Variants in FAM227B observed in about 807,000 individuals in gnomAD.
FAM227B encodes the protein protein FAM227B.
Under a neutral mutation model 73.8 loss-of-function variants are expected in FAM227B, and 88 were observed. The observed-to-expected ratio is 1.19, with a 90% CI of 1.00 to 1.42. The LOEUF (loss-of-function observed/expected upper bound fraction) is 1.42, where lower values mean the gene tolerates loss of function less well. FAM227B is among the 40% of genes most tolerant of loss of function. The probability of loss-of-function intolerance (pLI) is 0.00; values close to 1 mark genes in which losing one functional copy is unlikely to be tolerated. For synonymous variants in FAM227B, 210 were observed against 190.5 expected (o/e 1.10, Z -0.84); for missense variants, 632 against 590.9 (o/e 1.07, Z -0.72).
At chr15:49,400,952 A>G (rs1567214896) in intron 11 of FAM227B, among the ~76,000 whole-genome samples, 2 of 151,250 alleles carry the variant, frequency 1.3e-5, no homozygotes, top group Non-Finnish European at 2.9e-5. Flanking sequence ...CAAGGACTTC[A>G]TGTCTAAACA....
At chr15:49,469,991 A>G (rs1240826211) in intron 11 of FAM227B, among the ~76,000 whole-genome samples, 1 of 152,182 alleles carries the variant, frequency 6.6e-6, no homozygotes, top group Non-Finnish European at 1.5e-5. Context: ...TCATTAGAGG[A>G]TGGCATTAAA....
At chr15:49,518,809 C>T (rs1444621789) in intron 10 of FAM227B, among the ~76,000 whole-genome samples, 1 of 152,144 alleles carries the variant, frequency 6.6e-6, no homozygotes, top group Non-Finnish European at 1.5e-5. Context: ...CTGGCCCCTC[C>T]CAAAACTCAT....
chr15:49,459,400 T>C (rs975174834), intron 11 of FAM227B, among the ~76,000 whole-genome samples: 2 of 152,224 alleles, frequency 1.3e-5, no homozygotes, highest in Admixed American at 6.5e-5. Flanking sequence ...ATGAATTTTC[T>C]GAACCTCCTA....
At chr15:49,374,013 T>A (rs963852822) in intron 11 of FAM227B, among the ~76,000 whole-genome samples, 3 of 152,210 alleles carry the variant, frequency 2.0e-5, no homozygotes, top group African/African-American at 7.2e-5. Context: ...AATATTTAAC[T>A]TGTTTTAAGT....
At chr15:49,505,869 C>T (rs1397387664) in intron 11 of FAM227B, among the ~76,000 whole-genome samples, 1 of 151,680 alleles carries the variant, frequency 6.6e-6, no homozygotes, top group Non-Finnish European at 1.5e-5. Flanking sequence ...AATAAAAAAA[C>T]AAGACTCAAC....
chr15:49,354,524 C>T (rs534553861), intron 13 of FAM227B, among the ~76,000 whole-genome samples: 1 of 152,342 alleles, frequency 6.6e-6, no homozygotes, highest in East Asian at 1.9e-4. Flanking sequence ...CACCTGAATA[C>T]TGCACTTTTC....
intron 11 of FAM227B, among the ~76,000 whole-genome samples, chr15:49,477,547 T>C (rs1368988726): frequency 1.3e-5 from 2 of 152,258 alleles, no homozygotes; most frequent in Non-Finnish European, 2.9e-5. Flanking sequence ...TATTCCAGTG[T>C]ATACGTGTAC....
chr15:49,375,452 C>T (rs1283821988), intron 11 of FAM227B, among the ~76,000 whole-genome samples: 1 of 151,982 alleles, frequency 6.6e-6, no homozygotes, highest in Admixed American at 6.6e-5. Context: ...CAAATCATTG[C>T]TCAGGCAAGT....
intron 3 of FAM227B, among the ~76,000 whole-genome samples, chr15:49,609,308 C>A (rs536043555): frequency 6.6e-6 from 1 of 151,340 alleles, no homozygotes; most frequent in East Asian, 1.9e-4. Flanking sequence ...AGAAGTACAA[C>A]AGGAGATAGG....
At chr15:49,334,663 A>G (rs947910334) in intron 14 of FAM227B, among the ~76,000 whole-genome samples, 1 of 152,140 alleles carries the variant, frequency 6.6e-6, no homozygotes. Context: ...GACCCTTGGA[A>G]AGCAGGGGCG....
At chr15:49,338,326 T>C (rs1425982322) in intron 13 of FAM227B, among the ~76,000 whole-genome samples, 4 of 152,246 alleles carry the variant, frequency 2.6e-5, no homozygotes, top group African/African-American at 7.2e-5. Context: ...GGCCTGGTGG[T>C]GACAAAATCT....
At chr15:49,414,074 C>G (rs531378021) in intron 11 of FAM227B, among the ~76,000 whole-genome samples, 2 of 152,074 alleles carry the variant, frequency 1.3e-5, no homozygotes, top group African/African-American at 2.4e-5. Flanking sequence ...AATTTAAGCT[C>G]TAAGTCAGGG....
chr15:49,428,269 G>A (rs999734615), intron 11 of FAM227B, among the ~76,000 whole-genome samples: 16 of 151,946 alleles, frequency 1.1e-4, no homozygotes, highest in African/African-American at 3.9e-4. Context: ...TAGCCTAACA[G>A]TGGGTTTCCA....
chr15:49,431,024 C>G (rs563710120), intron 11 of FAM227B, among the ~76,000 whole-genome samples: 1 of 151,764 alleles, frequency 6.6e-6, no homozygotes, highest in Non-Finnish European at 1.5e-5. Flanking sequence ...TTGTATCACA[C>G]AATTTTTGGT....
intron 5 of FAM227B, among the ~76,000 whole-genome samples, chr15:49,586,054 A>G (rs1477611418): frequency 6.6e-6 from 1 of 151,964 alleles, no homozygotes; most frequent in Non-Finnish European, 1.5e-5. Context: ...GGAACCAAAA[A>G]TAGAGCTAAA....
chr15:49,573,639 G>A (rs566566750), intron 8 of FAM227B, among the ~76,000 whole-genome samples: 2 of 152,270 alleles, frequency 1.3e-5, no homozygotes, highest in African/African-American at 2.4e-5. Context: ...CAGCAAAAAG[G>A]CCTTCACCAC....
chr15:49,486,378 C>T (rs2056403214), intron 11 of FAM227B: 1 of 151,938 alleles, frequency 6.6e-6, no homozygotes. Context: ...ACTTTGCTAG[C>T]TAGGTTTTGA....
At chr15:49,610,632 A>G (rs1025402393) in intron 3 of FAM227B, among the ~76,000 whole-genome samples, 3 of 152,076 alleles carry the variant, frequency 2.0e-5, no homozygotes, top group Non-Finnish European at 2.9e-5. Context: ...TCTGTTTTCT[A>G]TACTGACATC....
At chr15:49,561,011 T>A (rs1188907652) in intron 9 of FAM227B, among the ~76,000 whole-genome samples, 1 of 152,054 alleles carries the variant, frequency 6.6e-6, no homozygotes, top group African/African-American at 2.4e-5. Context: ...TACAATAGAA[T>A]CAAAATCTCA....
Sources: gnomAD v4.1 joint callset for allele counts (sites outside exome capture counted in the v4.1 genomes callset) on GRCh38, gnomAD v4.1.1 for gene constraint, MANE v1.5 for transcripts, NCBI Gene and HGNC (gene_info 2026-07-23, HGNC 2026-07-21) for gene names.